The following CTNNA2 variants were observed in gnomAD, a reference collection of about 807,000 sequenced individuals.
CTNNA2 encodes catenin alpha 2.
CTNNA2 carries 42 observed loss-of-function variants against 101.0 expected under a neutral mutation model. That is an observed-to-expected ratio of 0.42 (90% confidence interval 0.32 to 0.54). The LOEUF (loss-of-function observed/expected upper bound fraction) is 0.54, where lower values mean the gene tolerates loss of function less well. Ranked by LOEUF, CTNNA2 falls within the 20% of genes least tolerant of loss-of-function variation. The pLI, the probability that CTNNA2 is intolerant of heterozygous loss-of-function variation, is 0.14. For synonymous variants in CTNNA2, 450 were observed against 456.4 expected (o/e 0.99, Z 0.18); for missense variants, 871 against 1,223.1 (o/e 0.71, Z 4.29).
chr2:80,597,466 T>C (rs1573406038), intron 15 of CTNNA2, among the ~76,000 whole-genome samples: 1 of 151,958 alleles, frequency 6.6e-6, no homozygotes, highest in Admixed American at 6.6e-5. Flanking sequence ...AAACCAAAAT[T>C]GACAAATGGG....
At chr2:80,635,652 GT>G (rs1419142557) in intron 18 of CTNNA2, among the ~76,000 whole-genome samples, 1 of 152,134 alleles carries the variant, frequency 6.6e-6, no homozygotes, top group Non-Finnish European at 1.5e-5. Context: ...GATTGCACAG[GT>G]GACATGAGTC....
At chr2:79,954,575 AG>A (rs1689099663) in intron 7 of CTNNA2, among the ~76,000 whole-genome samples, 1 of 152,172 alleles carries the variant, frequency 6.6e-6, no homozygotes, top group Non-Finnish European at 1.5e-5. Context: ...AACCCTTCCA[AG>A]AGCATAATTA....
chr2:80,179,196 G>T (rs1170907480), intron 7 of CTNNA2, among the ~76,000 whole-genome samples: 1 of 152,164 alleles, frequency 6.6e-6, no homozygotes, highest in African/African-American at 2.4e-5. Flanking sequence ...GTGTTAATTT[G>T]CTCAAGCAAT....
intron 3 of CTNNA2, among the ~76,000 whole-genome samples, chr2:79,843,734 C>T (rs562695069): frequency 5.9e-5 from 9 of 152,258 alleles, no homozygotes; most frequent in East Asian, 3.9e-4. Flanking sequence ...GAGTTGAAAA[C>T]GAACTTTCCC....
intron 2 of CTNNA2, among the ~76,000 whole-genome samples, chr2:79,714,360 G>C (rs193194035): frequency 3.7e-4 from 57 of 152,088 alleles, no homozygotes; most frequent in African/African-American, 1.3e-3. Context: ...TGGAGTCAAG[G>C]AGGTTGCTTC....
intron 4 of CTNNA2, among the ~76,000 whole-genome samples, chr2:79,417,856 C>G (rs921196625): frequency 6.6e-6 from 1 of 152,106 alleles, no homozygotes; most frequent in African/African-American, 2.4e-5. Flanking sequence ...ACAGGTTCTT[C>G]CTGCCTACTG....
intron 4 of CTNNA2, among the ~76,000 whole-genome samples, chr2:79,423,559 T>C (rs962873387): frequency 6.6e-6 from 1 of 152,214 alleles, no homozygotes; most frequent in Non-Finnish European, 1.5e-5. Flanking sequence ...TAGGTATTGA[T>C]ATATATGTAG....
At chr2:80,165,397 T>C (rs1704614856) in intron 7 of CTNNA2, among the ~76,000 whole-genome samples, 3 of 152,170 alleles carry the variant, frequency 2.0e-5, no homozygotes, top group Admixed American at 6.5e-5. Flanking sequence ...GTTATTGCAT[T>C]GTTTTGGTTC....
At chr2:79,965,827 C>CAAAAAAAAAAAA (rs10686940) in intron 7 of CTNNA2, among the ~76,000 whole-genome samples, 46 of 77,974 alleles carry the variant, frequency 5.9e-4, no homozygotes, top group South Asian at 1.0e-3. Flanking sequence ...GAGACTATGT[C>CAAAAAAAAAAAA]AAAAAAAAAA....
At chr2:80,245,822 T>TTTTTTTTTTTTTTTTTTTTTTTTTTTTTG (rs1558937542) in intron 7 of CTNNA2, among the ~76,000 whole-genome samples, 1 of 135,548 alleles carries the variant, frequency 7.4e-6, no homozygotes, top group African/African-American at 2.9e-5. Flanking sequence ...TTTTTTTTTT[T>TTTTTTTTTTTTTTTTTTTTTTTTTTTTTG]TGCACTCTGT....
intron 6 of CTNNA2, among the ~76,000 whole-genome samples, chr2:79,895,317 G>C (rs889350502): frequency 1.3e-5 from 2 of 152,152 alleles, no homozygotes; most frequent in African/African-American, 4.8e-5. Flanking sequence ...GAAGAAGATA[G>C]ATGAGTTTAT....
intron 9 of CTNNA2, among the ~76,000 whole-genome samples, chr2:80,483,619 G>T (rs954026444): frequency 6.6e-6 from 1 of 152,010 alleles, no homozygotes; most frequent in African/African-American, 2.4e-5. Flanking sequence ...CTTATCTACA[G>T]AATATTTTGA....
intron 7 of CTNNA2, among the ~76,000 whole-genome samples, chr2:80,339,193 G>A (rs1168871936): frequency 6.6e-6 from 1 of 151,736 alleles, no homozygotes; most frequent in Non-Finnish European, 1.5e-5. Flanking sequence ...GTGTGCACAT[G>A]TGTGTGTGTG....
chr2:80,447,752 C>G (rs1683187499), intron 9 of CTNNA2, among the ~76,000 whole-genome samples: 1 of 151,708 alleles, frequency 6.6e-6, no homozygotes, highest in Non-Finnish European at 1.5e-5. Flanking sequence ...TTCAAACAAA[C>G]ACATGGGTGG....
At chr2:80,229,883 G>A (rs938579104) in intron 7 of CTNNA2, among the ~76,000 whole-genome samples, 18 of 152,230 alleles carry the variant, frequency 1.2e-4, no homozygotes, top group Admixed American at 2.0e-4. Context: ...AATTCTGGGC[G>A]CTTTAGGGGT....
chr2:79,205,764 C>T (rs1041723075), intron 2 of CTNNA2, among the ~76,000 whole-genome samples: 1 of 152,202 alleles, frequency 6.6e-6, no homozygotes, highest in Non-Finnish European at 1.5e-5. Context: ...ACAGAGCATA[C>T]TTGCCTATAA....
At chr2:79,999,102 C>T (rs1040110892) in intron 7 of CTNNA2, among the ~76,000 whole-genome samples, 22 of 152,052 alleles carry the variant, frequency 1.4e-4, no homozygotes, top group African/African-American at 5.1e-4. Flanking sequence ...ACATGAAGGA[C>T]ATCTGAGCCT....
intron 7 of CTNNA2, among the ~76,000 whole-genome samples, chr2:80,177,576 G>T (rs1705474540): frequency 6.6e-6 from 1 of 151,996 alleles, no homozygotes; most frequent in Non-Finnish European, 1.5e-5. Context: ...TTTTTTCATG[G>T]GCCCACTGGG....
intron 9 of CTNNA2, among the ~76,000 whole-genome samples, chr2:80,537,088 T>C (rs548469960): frequency 3.3e-5 from 5 of 151,294 alleles, no homozygotes; most frequent in African/African-American, 1.2e-4. Context: ...TCCCACCCCC[T>C]GACAGGCCCC....
Sources: gnomAD v4.1 joint callset for allele counts (sites outside exome capture counted in the v4.1 genomes callset) on GRCh38, gnomAD v4.1.1 for gene constraint, MANE v1.5 for transcripts, NCBI Gene and HGNC (gene_info 2026-07-23, HGNC 2026-07-21) for gene names.